TPP2: variants seen among roughly 807,000 people sequenced by gnomAD.
TPP2 encodes tripeptidyl-peptidase 2.
A neutral mutation model predicts 155.9 loss-of-function variants in TPP2; 34 were observed. The ratio of observed to expected loss-of-function variants is 0.22; its 90% CI spans 0.17 to 0.29. TPP2 has a LOEUF of 0.29. Among genes scored for constraint, TPP2 ranks in the 10% least tolerant of loss-of-function variants. The probability of loss-of-function intolerance (pLI) is 1.00; values close to 1 mark genes in which losing one functional copy is unlikely to be tolerated. For missense variants in TPP2, 1,028 were observed against 1,522.3 expected (o/e 0.68, Z 5.40); for synonymous variants, 510 against 529.4 (o/e 0.96, Z 0.50).
At chr13:102,660,363 A>G (rs1459053571) in intron 25 of TPP2, among the ~76,000 whole-genome samples, 1 of 152,208 alleles carries the variant, frequency 6.6e-6, no homozygotes, top group Non-Finnish European at 1.5e-5. Context: ...TCAATAATTT[A>G]AAGTTTACAG....
At chr13:102,608,905 T>A (rs552726370) in intron 2 of TPP2, among the ~76,000 whole-genome samples, 99 of 152,350 alleles carry the variant, frequency 6.5e-4, no homozygotes, top group Middle Eastern at 6.8e-3. Flanking sequence ...AAAAGGTGAT[T>A]GGAAGCTCCT....
intron 19 of TPP2, among the ~76,000 whole-genome samples, chr13:102,645,660 T>C (rs1256650875): frequency 1.3e-5 from 2 of 152,248 alleles, no homozygotes; most frequent in Admixed American, 6.5e-5. Context: ...ATCCAACTTA[T>C]ATCATCCTGA....
At position 102,673,281 on chromosome 13, in the gene TPP2, A is replaced by G. The variant is rs374825637; in HGVS notation, c.3372-1002A>G. Among the ~76,000 whole-genome samples, 373 of 152,326 alleles carry G rather than the reference A, an allele frequency of 2.4e-3. 3 individuals carry two copies. Among genetic ancestry groups the G allele is most frequent in the African/African-American group, 8.3e-3 (345 of 41,570 alleles). The stretch of plus-strand genomic sequence containing the variant: ...TACTGCGGATCCTTGTTGATGGTAC[A>G]GTCCCGGCAGTTTTCACATGCTACA... On this transcript the variant is annotated intron_variant, in intron 27 of 29. Coordinates refer to ENST00000376052, the MANE Select transcript of TPP2 (RefSeq NM_001330588.2).
chr13:102,615,815 G>A (rs1880675822), intron 3 of TPP2, among the ~76,000 whole-genome samples: 1 of 152,196 alleles, frequency 6.6e-6, no homozygotes, highest in Non-Finnish European at 1.5e-5. Context: ...TTGGAGAAGA[G>A]AAGGTTTTAA....
chr13:102,666,766 CTTTTTTTT>C, intron 27 of TPP2, among the ~76,000 whole-genome samples: 745 of 55,808 alleles, frequency 0.013, 12 homozygotes, highest in African/African-American at 0.053. Flanking sequence ...TTTTTAATCT[CTTTTTTTT>C]TTTTTTTTTT....
chr13:102,632,110 T>G (rs1882057585), intron 10 of TPP2, among the ~76,000 whole-genome samples: 1 of 152,156 alleles, frequency 6.6e-6, no homozygotes, highest in Non-Finnish European at 1.5e-5. Flanking sequence ...AAAATTTAGC[T>G]GGGCATGGTG....
At chr13:102,610,263 C>T (rs546218158) in intron 2 of TPP2, among the ~76,000 whole-genome samples, 11 of 152,104 alleles carry the variant, frequency 7.2e-5, no homozygotes, top group African/African-American at 2.4e-4. Flanking sequence ...GAGTCTTGCT[C>T]TGTCGTCCAG....
chr13:102,644,615 A>G lies in TPP2; in HGVS notation c.2234A>G (p.Asn745Ser). Residue 745 changes from asparagine to serine, a missense_variant, in exon 18 of 30, where the codon AAC becomes AGC. By Grantham distance (46) the Asn-to-Ser change is conservative. This residue lies in a region of TPP2 where 325 missense variants were observed against 463.7 expected (regional missense o/e 0.70). Transcript: ENST00000376052. ...TGGTGGGCAAGTCTCAGTGATGTCA[A>G]CATTGATTATACCATTTCTTTCCAT... ...ARWWASLSDV[N>S]IDYTISFHGI... 1 of 1,613,374 alleles carries G rather than the reference A, an allele frequency of 6.2e-7. No homozygotes were observed. The highest frequency in any genetic ancestry group is 8.5e-7 in the Non-Finnish European group (1 of 1,179,696).
chr13:102,664,850 A>G lies in TPP2; in HGVS notation c.3296A>G (p.His1099Arg), dbSNP rs367941291. ...GATGCGGCAAATGCTGTTATTTCTC[A>G]TATAGATCAAACAGCCCTAGCAGTT... Reference protein sequence around the residue: ...IVDAANAVISHIDQTALAVYI... With the variant: ...IVDAANAVISRIDQTALAVYI... Residue 1099 changes from histidine to arginine, a missense_variant, in exon 27 of 30, where the codon CAT becomes CGT. Transcript: ENST00000376052. The G allele has an allele frequency of 2.4e-5, 39 of 1,613,684 alleles. No homozygotes were observed. The highest frequency in any genetic ancestry group is 3.2e-5 in the Non-Finnish European group (38 of 1,179,844).
intron 25 of TPP2, 106 bp downstream of exon 25, chr13:102,657,313 C>A (rs998669783): frequency 3.4e-6 from 3 of 879,154 alleles, no homozygotes; most frequent in East Asian, 3.5e-5. Context: ...TTATTAACAG[C>A]AGTTGGTAGG....
At chr13:102,604,590 A>G (rs188613245) in intron 1 of TPP2, among the ~76,000 whole-genome samples, 20 of 152,316 alleles carry the variant, frequency 1.3e-4, no homozygotes, top group Admixed American at 1.0e-3. Context: ...AATATATGAA[A>G]CGACTTGAAG....
intron 27 of TPP2, among the ~76,000 whole-genome samples, chr13:102,671,981 G>A (rs185463627): frequency 8.1e-4 from 123 of 152,192 alleles, no homozygotes; most frequent in Non-Finnish European, 6.0e-4. Flanking sequence ...CAATTCCCTC[G>A]AACTTGGAAA....
At position 102,640,154 on chromosome 13, in the gene TPP2, C is replaced by G. The variant is rs190743862; in HGVS notation, c.1914-116C>G. ...GTACCTACTGTTTTGTAACCAGCTT[C>G]TAAGTCCCTGTGTTTATTTCCAATG... On this transcript the variant is annotated intron_variant, in intron 15 of 29. Transcript: ENST00000376052. 2.3e-5 allele frequency: 19 copies of G among 810,430 alleles called. No homozygotes were observed. The African/African-American group carries it at 3.2e-4, about 13-fold the overall frequency. The allele number at this position is 810,430 out of a possible 1,614,324, so 50.2% of individuals were successfully genotyped here. A position where few individuals can be genotyped will look rare whatever the true frequency, so the allele number is the denominator to read the frequency against.
chr13:102,612,207 CTG>C (rs1205394126), intron 2 of TPP2, among the ~76,000 whole-genome samples: 2 of 152,182 alleles, frequency 1.3e-5, no homozygotes, highest in Non-Finnish European at 2.9e-5. Context: ...CCAAAGGAAA[CTG>C]TGCGTGTGCC....
rs77403079 is a variant in TPP2 at position 102,628,402 on chromosome 13, C to T, written c.1016+478C>T. On this transcript the variant is annotated intron_variant, in intron 8 of 29. Coordinates refer to ENST00000376052, the MANE Select transcript of TPP2 (RefSeq NM_001330588.2). ...CAGTTGTATATACATACCCGACAGA[C>T]GCCCAGACTTGCTGAAATTTTGCTA... is the stretch of plus-strand genomic sequence containing the variant. Among the ~76,000 whole-genome samples, 501 of 152,282 alleles carry T rather than the reference C, an allele frequency of 3.3e-3. 1 individual carries two copies. The highest frequency in any genetic ancestry group is 0.012 in the African/African-American group (484 of 41,558).
rs576806530 is a variant in TPP2, at chr13:102,673,550, A to G, written c.3372-733A>G. On this transcript the variant is annotated intron_variant, in intron 27 of 29. Transcript: ENST00000376052. ...ATTGAGTTTCCATTCTGTGCCGGGC[A>G]TTGTCCTAGGCACGTGGAATGCATT... 4.6e-5 allele frequency among the ~76,000 whole-genome samples: 7 copies of G among 152,268 alleles called. No homozygotes were observed. In the South Asian group the frequency reaches 1.5e-3, roughly 32 times the overall value.
chr13:102,599,569 C>T (rs1879271225), intron 1 of TPP2, among the ~76,000 whole-genome samples: 1 of 152,178 alleles, frequency 6.6e-6, no homozygotes, highest in African/African-American at 2.4e-5. Flanking sequence ...CAAGTGAAAA[C>T]GTGGAAGAAC....
At chr13:102,604,694 A>G (rs1315129888) in intron 1 of TPP2, 99 bp from the exon 2 acceptor site, 3 of 1,327,448 alleles carry the variant, frequency 2.3e-6, no homozygotes, top group African/African-American at 3.1e-5. Flanking sequence ...AAGTGAATGT[A>G]GATTTTGTAT....
At chr13:102,622,729 A>C (rs1305550461) in intron 5 of TPP2, 148 bp from the exon 6 acceptor site, 1 of 886,102 alleles carries the variant, frequency 1.1e-6, no homozygotes, top group Non-Finnish European at 1.6e-6. Context: ...GCCCACTCTA[A>C]GAAACAGGCT....
Sources: gnomAD v4.1 joint callset for allele counts (sites outside exome capture counted in the v4.1 genomes callset) on GRCh38, gnomAD v4.1.1 for gene constraint, gnomAD v4.1.1 regional missense constraint, MANE v1.5 for transcripts, NCBI Gene and HGNC (gene_info 2026-07-23, HGNC 2026-07-21) for gene names.